The following SESTD1 variants were observed in gnomAD, a reference collection of about 807,000 sequenced individuals.
SESTD1 encodes the protein SEC14 and spectrin domain containing 1.
A neutral mutation model predicts 101.7 loss-of-function variants in SESTD1; 43 were observed. The ratio of observed to expected loss-of-function variants is 0.42; its 90% CI spans 0.33 to 0.55. The LOEUF (loss-of-function observed/expected upper bound fraction) is 0.55, where lower values mean the gene tolerates loss of function less well. Ranked by LOEUF, SESTD1 falls within the 20% of genes least tolerant of loss-of-function variation. SESTD1 has a pLI of 0.07. For synonymous variants in SESTD1, 283 were observed against 286.8 expected, an observed-to-expected ratio of 0.99 and a Z score of 0.13; for missense variants, 647 against 815.1, an observed-to-expected ratio of 0.79 and a Z score of 2.51.
intron 1 of SESTD1, among the ~76,000 whole-genome samples, chr2:179,212,357 G>A (rs1365520621): frequency 7.3e-6 from 1 of 136,432 alleles, no homozygotes; most frequent in East Asian, 2.0e-4. Flanking sequence ...CCTATGCCTG[G>A]TTCAGCAGGT....
chr2:179,250,973 A>G lies in SESTD1; in HGVS notation c.-26+13526T>C, dbSNP rs1410961559. Among the ~76,000 whole-genome samples, 6 of 152,192 alleles carry G rather than the reference A, an allele frequency of 3.9e-5. No individual in the cohort carries two copies. The East Asian group carries it at 9.6e-4, about 24-fold the overall frequency. ...CTCATGTTCACACAAAAACCTATAC[A>G]TGAACATTTACAGCAGCTTTACTCC... On this transcript the variant is annotated intron_variant, in intron 1 of 17. Transcript: ENST00000428443.
At chr2:179,117,674 A>G in intron 13 of SESTD1, 61 bp from the exon 14 acceptor site, 1 of 1,326,336 alleles carries the variant, frequency 7.5e-7, no homozygotes, top group Non-Finnish European at 1.0e-6. Flanking sequence ...CTATTGTAAC[A>G]TCATCATTTG....
rs767086579 is a variant in SESTD1, at chr2:179,145,156, T to C, written c.637+1246A>G. On this transcript the variant is annotated intron_variant, in intron 8 of 17. Coordinates refer to ENST00000428443, the MANE Select transcript of SESTD1 (RefSeq NM_178123.5). Reference sequence around the variant, plus strand: ...TAAAGGTTTGTGCAAAGTCTTTTTATATATATTCATAAAAGCTATGAATAT... The same window carrying C: ...TAAAGGTTTGTGCAAAGTCTTTTTACATATATTCATAAAAGCTATGAATAT... Among the ~76,000 whole-genome samples, 40 of 152,338 alleles carry C rather than the reference T, an allele frequency of 2.6e-4. 1 individual carries two copies. The highest frequency in any genetic ancestry group is 3.4e-3 in the Middle Eastern group (1 of 294).
At position 179,139,071 on chromosome 2, in the gene SESTD1, C is replaced by T. The variant is rs111879915; in HGVS notation, c.849+4521G>A. Among the ~76,000 whole-genome samples the T allele has an allele frequency of 9.5e-3, 1,451 of 152,168 alleles. 13 individuals carry two copies. Among genetic ancestry groups the T allele is most frequent in the Non-Finnish European group, 0.015 (1,019 of 68,010 alleles). ...TTTACCTCTCTGAATATGCACACAG[C>T]TTACCATGACATGCATATTCCCATT... On this transcript the variant is annotated intron_variant, in intron 9 of 17. Transcript: ENST00000428443.
At position 179,130,628 on chromosome 2, in the gene SESTD1, A is replaced by G. The variant is rs527904584; in HGVS notation, c.972+1676T>C. On this transcript the variant is annotated intron_variant, in intron 10 of 17. Coordinates refer to ENST00000428443, the MANE Select transcript of SESTD1 (RefSeq NM_178123.5). The stretch of plus-strand genomic sequence containing the variant: ...TAATTATTTATCTTGGCATTTAAAA[A>G]AAATAATAAAATATAGATAAATCCT... 3.3e-5 allele frequency among the ~76,000 whole-genome samples: 5 copies of G among 152,216 alleles called. No individual in the cohort carries two copies. The South Asian group carries it at 1.0e-3, about 32-fold the overall frequency.
chr2:179,201,847 G>A (rs556693933), intron 1 of SESTD1, among the ~76,000 whole-genome samples: 2 of 126,942 alleles, frequency 1.6e-5, no homozygotes, highest in Non-Finnish European at 3.3e-5. Context: ...TGGGTGCAGC[G>A]CACCAGCATG....
intron 13 of SESTD1, among the ~76,000 whole-genome samples, chr2:179,120,074 CA>C: frequency 6.6e-6 from 1 of 151,962 alleles, no homozygotes; most frequent in South Asian, 2.1e-4. Context: ...ACTAAAAATA[CA>C]AAAATTAGCC....
At chr2:179,116,354 G>T (rs2044633400) in intron 15 of SESTD1, among the ~76,000 whole-genome samples, 1 of 151,884 alleles carries the variant, frequency 6.6e-6, no homozygotes, top group African/African-American at 2.4e-5. Flanking sequence ...AGAAAGTGAG[G>T]TTTCTTATTT....
At chr2:179,118,850 T>C (rs555554057) in intron 13 of SESTD1, among the ~76,000 whole-genome samples, 6 of 152,270 alleles carry the variant, frequency 3.9e-5, no homozygotes, top group Non-Finnish European at 8.8e-5. Flanking sequence ...TTTATGAGAG[T>C]AGGGAGGAGC....
intron 1 of SESTD1, among the ~76,000 whole-genome samples, chr2:179,230,130 T>C (rs1476376618): frequency 4.7e-5 from 3 of 63,936 alleles, no homozygotes; most frequent in Admixed American, 1.6e-4. Context: ...TTTTTTTTTT[T>C]TTTTTTTTTT....
At chr2:179,171,423 T>C (rs1259674479) in intron 5 of SESTD1, among the ~76,000 whole-genome samples, 2 of 152,174 alleles carry the variant, frequency 1.3e-5, no homozygotes, top group Non-Finnish European at 2.9e-5. Flanking sequence ...AAAATGAATC[T>C]TTATTATCTG....
intron 1 of SESTD1, among the ~76,000 whole-genome samples, chr2:179,201,041 T>G (rs1284550631): frequency 7.5e-6 from 1 of 133,770 alleles, no homozygotes; most frequent in Non-Finnish European, 1.6e-5. Flanking sequence ...AGGGCTAATA[T>G]CCAGAATCTA....
Position 179,207,964 on chromosome 2 carries a change from A to G in SESTD1, c.-25-16098T>C, listed in dbSNP as rs111244704. Among the ~76,000 whole-genome samples, 406 of 134,738 alleles carry G rather than the reference A, an allele frequency of 3.0e-3. 85 individuals are homozygous for G. The highest frequency in any genetic ancestry group is 0.011 in the African/African-American group (384 of 34,080). The allele number at this position is 134,738 out of a possible 152,430, so 88.4% of individuals were successfully genotyped here. The stretch of plus-strand genomic sequence containing the variant: ...CAGAGAAAGGTGAAAACCAACTTAA[A>G]GAAATTTTAAAAAATACAGGATATT... On this transcript the variant is annotated intron_variant, in intron 1 of 17. Coordinates refer to ENST00000428443, the MANE Select transcript of SESTD1 (RefSeq NM_178123.5).
intron 9 of SESTD1, among the ~76,000 whole-genome samples, chr2:179,142,796 T>A (rs559401940): frequency 1.3e-5 from 2 of 152,264 alleles, no homozygotes; most frequent in East Asian, 3.9e-4. Flanking sequence ...GCCCATAACC[T>A]CTCAGTCATG....
chr2:179,217,004 A>G (rs2046730833), intron 1 of SESTD1, among the ~76,000 whole-genome samples: 1 of 151,934 alleles, frequency 6.6e-6, no homozygotes, highest in Non-Finnish European at 1.5e-5. Context: ...AAAGACTTAA[A>G]TGTTAGATCT....
At chr2:179,230,275 A>T (rs1281655038) in intron 1 of SESTD1, among the ~76,000 whole-genome samples, 1 of 151,664 alleles carries the variant, frequency 6.6e-6, no homozygotes, top group East Asian at 1.9e-4. Context: ...AGCTGGGGCT[A>T]CAGGCACACA....
At position 179,160,881 on chromosome 2, in the gene SESTD1, T is replaced by C. The variant is rs138387681; in HGVS notation, c.370-9490A>G. Among the ~76,000 whole-genome samples, 9 of 152,194 alleles carry C rather than the reference T, an allele frequency of 5.9e-5. No individual in the cohort carries two copies. The East Asian group carries it at 1.5e-3, about 26-fold the overall frequency. On this transcript the variant is annotated intron_variant, in intron 5 of 17. Transcript: ENST00000428443. Reference sequence around the variant, plus strand: ...ATTTTTTTAAAAAAGGATTTACTTATTAGTACTACAAAATACTAAATTAAA... The same window carrying C: ...ATTTTTTTAAAAAAGGATTTACTTACTAGTACTACAAAATACTAAATTAAA...
chr2:179,173,649 A>G (rs1575461106), intron 4 of SESTD1, among the ~76,000 whole-genome samples: 1 of 152,220 alleles, frequency 6.6e-6, no homozygotes, highest in East Asian at 1.9e-4. Context: ...GTCTGACTCT[A>G]AAGTTCTACT....
chr2:179,111,712 C>T (rs1178779407), intron 17 of SESTD1, among the ~76,000 whole-genome samples: 2 of 151,504 alleles, frequency 1.3e-5, no homozygotes, highest in Admixed American at 6.6e-5. Flanking sequence ...TGAAGCTCCT[C>T]CTGATTCTTT....
Sources: allele counts gnomAD v4.1 joint callset (sites outside exome capture counted in the v4.1 genomes callset), GRCh38; gene constraint gnomAD v4.1.1; transcripts MANE v1.5; gene names NCBI Gene and HGNC (gene_info 2026-07-23, HGNC 2026-07-21).